Variants in SMG1 observed in about 807,000 individuals in gnomAD.
SMG1 encodes SMG1 nonsense mediated mRNA decay associated PI3K related kinase.
A neutral mutation model predicts 419.9 loss-of-function variants in SMG1; 22 were observed. The observed-to-expected ratio is 0.05, with a 90% CI of 0.04 to 0.07. The LOEUF is 0.07. Ranked by LOEUF, SMG1 falls within the 10% of genes least tolerant of loss-of-function variation. The pLI is 1.00. For missense variants in SMG1, 3,185 were observed against 4,342.0 expected (o/e 0.73, Z 7.49); for synonymous variants, 1,538 against 1,553.5 (o/e 0.99, Z 0.23).
At chr16:18,914,557 G>A (rs1220670458) in intron 1 of SMG1, among the ~76,000 whole-genome samples, 2 of 151,996 alleles carry the variant, frequency 1.3e-5, no homozygotes, top group African/African-American at 4.8e-5. Flanking sequence ...GGTGGCAATC[G>A]CCTGTAATCC....
In SMG1 at chr16:18,896,199, T is replaced by C. The variant is rs749745362; in HGVS notation, c.265A>G (p.Ser89Gly). 2.1e-4 allele frequency: 301 copies of C among 1,456,972 alleles called. No homozygotes were observed. The highest frequency in any genetic ancestry group is 2.8e-4 in the Non-Finnish European group (290 of 1,039,006). The allele number at this position is 1,456,972 out of a possible 1,614,324, so 90.3% of individuals were successfully genotyped here. The change falls in exon 3 of 63, where the codon AGT (serine) becomes GGT (glycine). Residue 89 changes from serine to glycine, a missense_variant. Ser to Gly is a moderately conservative substitution (Grantham distance 56). This residue lies in a region of SMG1 where 42 missense variants were observed against 100.1 expected (regional missense o/e 0.42). Transcript: ENST00000446231. ...TTTTCCCCAGATCCTCCATTGACAC[T>C]GTAGCCACCTACAAACAGCAATGTG... ...DIQNDEKGGY[S>G]VNGGSGENTY...
At chr16:18,830,826 T>C (rs2033125846) in intron 51 of SMG1, among the ~76,000 whole-genome samples, 1 of 152,126 alleles carries the variant, frequency 6.6e-6, no homozygotes, top group African/African-American at 2.4e-5. Flanking sequence ...GATGATAAAA[T>C]GGTATTTCAT....
intron 57 of SMG1, among the ~76,000 whole-genome samples, chr16:18,816,866 C>T (rs1008254165): frequency 6.6e-6 from 1 of 152,186 alleles, no homozygotes; most frequent in East Asian, 1.9e-4. Flanking sequence ...TCCTAACATA[C>T]AGCTTTAAGC....
chr16:18,893,328 A>C (rs1475098153), intron 3 of SMG1, among the ~76,000 whole-genome samples: 1 of 152,260 alleles, frequency 6.6e-6, no homozygotes, highest in Non-Finnish European at 1.5e-5. Flanking sequence ...GATGCCTTTA[A>C]AAACTAGATT....
chr16:18,888,459 A>T (rs1425274593), intron 6 of SMG1, among the ~76,000 whole-genome samples: 2 of 145,446 alleles, frequency 1.4e-5, no homozygotes, highest in African/African-American at 5.0e-5. Flanking sequence ...ATTTCTAAAA[A>T]CCAAAGAGGA....
intron 29 of SMG1, among the ~76,000 whole-genome samples, chr16:18,856,063 C>T (rs2034883108): frequency 1.3e-5 from 2 of 152,124 alleles, no homozygotes; most frequent in Admixed American, 6.5e-5. Context: ...AGTCAGCCTG[C>T]CTTCTTCCTC....
intron 46 of SMG1, among the ~76,000 whole-genome samples, chr16:18,836,791 T>C (rs530729562): frequency 6.6e-6 from 1 of 152,220 alleles, no homozygotes. Flanking sequence ...GCTTGACAGA[T>C]CTTTGTAATC....
At chr16:18,816,615 T>C (rs1204124612) in intron 57 of SMG1, 86 bp from the exon 58 acceptor site, 2 of 1,106,988 alleles carry the variant, frequency 1.8e-6, no homozygotes, top group African/African-American at 3.1e-5. Flanking sequence ...AAGATATTAG[T>C]AACTCAAGCT....
intron 25 of SMG1, among the ~76,000 whole-genome samples, chr16:18,862,761 AAGTTCTTTTCTC>A (rs2035280304): frequency 6.6e-6 from 1 of 152,212 alleles, no homozygotes; most frequent in East Asian, 1.9e-4. Context: ...ATAACAGCCA[AAGTTCTTTTCTC>A]AGTTCCCAGC....
chr16:18,812,977 T>A, intron 60 of SMG1, among the ~76,000 whole-genome samples: 1 of 152,174 alleles, frequency 6.6e-6, no homozygotes, highest in Non-Finnish European at 1.5e-5. Flanking sequence ...GCTTCATCCA[T>A]GTCCCTACAA....
At position 18,829,586 on chromosome 16, in the gene SMG1, G is replaced by A; in HGVS notation, c.9303C>T (p.Ala3101=). The A allele has an allele frequency of 1.2e-6, 2 of 1,613,978 alleles. No homozygotes were observed. Among genetic ancestry groups the A allele is most frequent in the African/African-American group, 2.7e-5 (2 of 75,040 alleles). The change falls in exon 54 of 63, where the codon GCC becomes GCT. Residue 3101 remains alanine, a synonymous_variant. Transcript: ENST00000446231. The part of the protein sequence containing the change: ...RQLLIGLPNQ[A]LGLTLCSFIS... Reference sequence around the variant, plus strand: ...TAAAACTGCACAGTGTGAGTCCGAGGGCTTGGTTGGGTAGCCCTATCAAGA... The same window carrying A: ...TAAAACTGCACAGTGTGAGTCCGAGAGCTTGGTTGGGTAGCCCTATCAAGA...
intron 60 of SMG1, among the ~76,000 whole-genome samples, chr16:18,812,659 C>T (rs2031568536): frequency 7.1e-6 from 1 of 140,090 alleles, no homozygotes; most frequent in African/African-American, 2.7e-5. Flanking sequence ...CACACACACA[C>T]ACATATATAT....
intron 1 of SMG1, among the ~76,000 whole-genome samples, chr16:18,910,542 T>C (rs1230314991): frequency 6.6e-6 from 1 of 151,930 alleles, no homozygotes; most frequent in Non-Finnish European, 1.5e-5. Flanking sequence ...TTTTTTTATT[T>C]TTTGTAGAAA....
At chr16:18,865,662 A>ATTT (rs578185182) in intron 23 of SMG1, among the ~76,000 whole-genome samples, 4 of 143,142 alleles carry the variant, frequency 2.8e-5, no homozygotes, top group African/African-American at 1.0e-4. Flanking sequence ...TAACATGGCA[A>ATTT]TTTTTTTTTT....
intron 60 of SMG1, among the ~76,000 whole-genome samples, chr16:18,812,573 C>T (rs1310233318): frequency 6.7e-6 from 1 of 148,370 alleles, no homozygotes; most frequent in Middle Eastern, 3.4e-3. Context: ...CATATATATA[C>T]ACACACATAT....
chr16:18,922,717 T>G (rs2038243208), intron 1 of SMG1, among the ~76,000 whole-genome samples: 1 of 152,078 alleles, frequency 6.6e-6, no homozygotes, highest in Admixed American at 6.5e-5. Context: ...TGACCTCGGG[T>G]GATCCACCCA....
chr16:18,884,933 C>T (rs13334628), intron 8 of SMG1, 157 bp downstream of exon 8: 37,687 of 618,048 alleles, frequency 0.061, 1,357 homozygotes, highest in African/African-American at 0.093. Flanking sequence ...TCTGAAAATA[C>T]ATATTTAGCT....
intron 1 of SMG1, among the ~76,000 whole-genome samples, chr16:18,897,620 A>T (rs557148793): frequency 9.9e-5 from 15 of 152,252 alleles, no homozygotes; most frequent in African/African-American, 3.6e-4. Flanking sequence ...ATCTATTTAA[A>T]ATTCAGGTAC....
rs2036123718 is a variant in SMG1 at position 18,876,182 on chromosome 16, A to G, written c.1832T>C (p.Val611Ala). The change falls in exon 13 of 63, where the codon GTT becomes GCT. Residue 611 changes from valine to alanine, a missense_variant. Val to Ala is a moderately conservative substitution (Grantham distance 64). Around this residue, in one of 27 missense-constraint regions of SMG1, gnomAD observed 297 missense variants for 491.0 expected, o/e 0.60. Coordinates refer to ENST00000446231, the MANE Select transcript of SMG1 (RefSeq NM_015092.5). ...AGTCAGGGCACTGAGGTCAAATATA[A>G]CTACAAATTTTGCATTGTCTACATT... ...VFNVDNAKFV[V>A]IFDLSALTTI... 2.5e-6 allele frequency: 4 copies of G among 1,611,692 alleles called. No individual in the cohort carries two copies. The highest frequency in any genetic ancestry group is 2.5e-6 in the Non-Finnish European group (3 of 1,179,702).
Sources: allele counts gnomAD v4.1 joint callset (sites outside exome capture counted in the v4.1 genomes callset), GRCh38; gene constraint gnomAD v4.1.1; regional missense constraint gnomAD v4.1.1; transcripts MANE v1.5; gene names NCBI Gene and HGNC (gene_info 2026-07-23, HGNC 2026-07-21).